Variants in BBS2 observed in about 807,000 individuals in gnomAD.
The protein encoded by BBS2 is BBSome complex member BBS2.
In BBS2, 62 loss-of-function variants were observed where a neutral mutation model predicts 83.0. The observed-to-expected ratio is 0.75, with a 90% CI of 0.61 to 0.92. The LOEUF is 0.92. Ranked by LOEUF, BBS2 falls within the 40% of genes least tolerant of loss-of-function variation. The pLI, the probability that BBS2 is intolerant of heterozygous loss-of-function variation, is 0.00. For synonymous variants in BBS2, 303 were observed against 326.1 expected (o/e 0.93, Z 0.76); for missense variants, 784 against 901.0 (o/e 0.87, Z 1.66).
At chr16:56,481,569 G>A (rs1358053733), downstream of BBS2, among the ~76,000 whole-genome samples, 4 of 152,174 alleles carry the variant, frequency 2.6e-5, no homozygotes, top group African/African-American at 7.2e-5. Flanking sequence ...CTCAAAGTCA[G>A]CTTTTAAATG....
chr16:56,489,496 T>C (rs1963877886), intron 15 of BBS2, among the ~76,000 whole-genome samples: 1 of 152,074 alleles, frequency 6.6e-6, no homozygotes, highest in South Asian at 2.1e-4. Flanking sequence ...CATGATGAAC[T>C]TTAAAAGAAG....
chr16:56,477,333 T>G (rs3228), intron 17 of BBS2: 25,320 of 152,060 alleles, frequency 0.17, 2,278 homozygotes, highest in East Asian at 0.27. Context: ...TAGTGTAGTA[T>G]TATTCCCTTG....
In BBS2 at chr16:56,502,790, G is replaced by A. The variant is rs121908177; in HGVS notation, c.823C>T (p.Arg275Ter). 416 of 1,613,980 alleles carry A rather than the reference G, an allele frequency of 2.6e-4. No homozygotes were observed. The highest frequency in any genetic ancestry group is 2.8e-4 in the Non-Finnish European group (336 of 1,180,002). ...SNGKVDARSDRTGEVIFKDNF... is the reference protein window; with the variant it reads ...SNGKVDARSD The stretch of plus-strand genomic sequence containing the variant: ...TCCTTAAAGATGACCTCCCCAGTTC[G>A]GTCACTTCGAGCATCAACCTACAAA... The change falls in exon 8 of 17, where the codon CGA becomes TGA. Residue 275 changes from arginine to a stop codon, truncating the protein, a stop_gained. Transcript: ENST00000245157. LOFTEE classifies it high-confidence loss of function.
rs1964857121 is a variant in BBS2 at position 56,519,561 on chromosome 16, G to A, written c.117+185C>T. On this transcript the variant is annotated intron_variant, in intron 1 of 16. Coordinates refer to ENST00000245157, the MANE Select transcript of BBS2 (RefSeq NM_031885.5). ...ATGACAAGAAAACGTCAACTTCTCA[G>A]AAAAGCTCTTCCTCTAAGACCCCAC... is the stretch of plus-strand genomic sequence containing the variant. 5.1e-6 allele frequency: 3 copies of A among 590,176 alleles called. No homozygotes were observed. In the South Asian group the frequency reaches 6.1e-5, roughly 12 times the overall value. The allele number at this position is 590,176 out of a possible 1,614,324, so 36.6% of individuals were successfully genotyped here. A position where few individuals can be genotyped will look rare whatever the true frequency, so the allele number is the denominator to read the frequency against.
At chr16:56,515,072 C>T (rs1964695502) in intron 1 of BBS2, among the ~76,000 whole-genome samples, 1 of 152,102 alleles carries the variant, frequency 6.6e-6, no homozygotes, top group Non-Finnish European at 1.5e-5. Flanking sequence ...ACAGAATAAA[C>T]ACTTCCTTTA....
At chr16:56,515,415 G>C (rs538574559) in intron 1 of BBS2, among the ~76,000 whole-genome samples, 2 of 152,282 alleles carry the variant, frequency 1.3e-5, no homozygotes, top group African/African-American at 4.8e-5. Context: ...ATGGGGAATC[G>C]TGTAGCCCTT....
downstream of BBS2, among the ~76,000 whole-genome samples, chr16:56,481,858 G>A (rs763217872): frequency 5.9e-5 from 9 of 152,148 alleles, no homozygotes; most frequent in East Asian, 1.9e-4. Flanking sequence ...AGAAGAGGCC[G>A]TGACTACTTG....
Position 56,519,935 on chromosome 16 carries a change from G to A in BBS2, c.-73C>T, listed in dbSNP as rs1964875116. ...AGCGGAGCTGGCCTCACGCGCCCGG[G>A]CAAGAAGTGCAGGGACACTACCTGC... On this transcript the variant is annotated 5_prime_UTR_variant, in exon 1 of 17. Coordinates refer to ENST00000245157, the MANE Select transcript of BBS2 (RefSeq NM_031885.5). 1.5e-6 allele frequency: 2 copies of A among 1,323,502 alleles called. No individual in the cohort carries two copies. Among genetic ancestry groups the A allele is most frequent in the African/African-American group, 2.9e-5 (2 of 69,052 alleles). 82.0% of individuals were successfully genotyped at this position (1,323,502 alleles called of 1,614,324 possible).
chr16:56,506,297 G>A (rs1346447487), intron 5 of BBS2, 73 bp from the exon 6 acceptor site: 3 of 1,085,324 alleles, frequency 2.8e-6, no homozygotes, highest in African/African-American at 1.6e-5. Context: ...GGCTTTATAA[G>A]ACTTCACACT....
At chr16:56,514,333 AC>A in intron 2 of BBS2, 119 bp downstream of exon 2, 1 of 899,482 alleles carries the variant, frequency 1.1e-6, no homozygotes, top group South Asian at 1.5e-5. Context: ...CATGTTGTTT[AC>A]CTATACTATA....
chr16:56,510,135 G>A, intron 4 of BBS2, 101 bp from the exon 5 acceptor site: 3 of 983,250 alleles, frequency 3.1e-6, no homozygotes, highest in Non-Finnish European at 4.8e-6. Flanking sequence ...TGCTGCTTCT[G>A]CCACCCAAGA....
chr16:56,514,472 G>T lies in BBS2; in HGVS notation c.326C>A (p.Ser109Ter), dbSNP rs181736797. 1 of 1,613,972 alleles carries T rather than the reference G, an allele frequency of 6.2e-7. No individual in the cohort carries two copies. Among genetic ancestry groups the T allele is most frequent in the South Asian group, 1.1e-5 (1 of 91,054 alleles). The change falls in exon 2 of 17, where the codon TCG becomes TAG. Residue 109 changes from serine to a stop codon, truncating the protein, a stop_gained. Coordinates refer to ENST00000245157, the MANE Select transcript of BBS2 (RefSeq NM_031885.5). LOFTEE classifies it high-confidence loss of function. ...ACTTGCCTCTCTGTAGAACAAATCCGAATTATTGTAGACATCATAAGCCAA... is the reference window on the plus strand; with the variant it reads ...ACTTGCCTCTCTGTAGAACAAATCCTAATTATTGTAGACATCATAAGCCAA... ...NLLAYDVYNN[S>*]DLFYREVADG...
Position 56,514,595 on chromosome 16 carries a change from A to C in BBS2, c.203T>G (p.Leu68Arg). 1.2e-6 allele frequency: 2 copies of C among 1,614,206 alleles called. No homozygotes were observed. Among genetic ancestry groups the C allele is most frequent in the Admixed American group, 1.7e-5 (1 of 60,026 alleles). ...GCTGACTGCCTGGTTAATGCTGAGA[A>C]GAGAAACATCAGATTCCAGGGGGCT... ...FQSPLESDVSLLSINQAVSCL... is the reference protein window; with the variant it reads ...FQSPLESDVSRLSINQAVSCL... Residue 68 changes from leucine to arginine, a missense_variant, in exon 2 of 17, where the codon CTT (leucine) becomes CGT (arginine). Coordinates refer to ENST00000245157, the MANE Select transcript of BBS2 (RefSeq NM_031885.5).
At chr16:56,501,295 AG>A in intron 10 of BBS2, 57 bp downstream of exon 10, 1 of 1,598,546 alleles carries the variant, frequency 6.3e-7, no homozygotes. Context: ...AAAAAAAAAA[AG>A]AATGACTCCA....
chr16:56,482,029 TTGC>T (rs1439586999), downstream of BBS2, among the ~76,000 whole-genome samples: 11 of 152,308 alleles, frequency 7.2e-5, no homozygotes, highest in African/African-American at 2.6e-4. Context: ...TTAATATGTC[TTGC>T]TGCAGGTCAA....
chr16:56,497,107 A>G, intron 14 of BBS2, 28 bp from the exon 15 acceptor site: 1 of 1,437,024 alleles, frequency 7.0e-7, no homozygotes, highest in African/African-American at 1.4e-5. Flanking sequence ...TCAGGAATGA[A>G]AAAGGCCTCA....
At chr16:56,493,023 G>A (rs536933758) in intron 15 of BBS2, among the ~76,000 whole-genome samples, 20 of 152,154 alleles carry the variant, frequency 1.3e-4, no homozygotes, top group South Asian at 6.2e-4. Flanking sequence ...CTATGTAGCC[G>A]TAAAGACAAA....
intron 7 of BBS2, among the ~76,000 whole-genome samples, chr16:56,503,085 C>T (rs1964322548): frequency 6.6e-6 from 1 of 152,304 alleles, no homozygotes; most frequent in South Asian, 2.1e-4. Context: ...TGCTAAGAGC[C>T]AGTACATATA....
intron 15 of BBS2, among the ~76,000 whole-genome samples, chr16:56,490,567 G>GT: frequency 6.6e-6 from 1 of 151,636 alleles, no homozygotes; most frequent in East Asian, 2.0e-4. Flanking sequence ...CTTGAATCTG[G>GT]GAGGCAGAGG....
Sources: gnomAD v4.1 joint callset for allele counts (sites outside exome capture counted in the v4.1 genomes callset) on GRCh38, gnomAD v4.1.1 for gene constraint, MANE v1.5 for transcripts, NCBI Gene and HGNC (gene_info 2026-07-23, HGNC 2026-07-21) for gene names.